The following SCN7A variants were observed in gnomAD, a reference collection of about 807,000 sequenced individuals.
SCN7A encodes sodium channel protein type 7 subunit alpha.
A neutral mutation model predicts 155.2 loss-of-function variants in SCN7A; 138 were observed. The ratio of observed to expected loss-of-function variants is 0.89; its 90% CI spans 0.77 to 1.02. The LOEUF is 1.02. Among genes scored for constraint, SCN7A ranks in the 50% least tolerant of loss-of-function variants. The pLI, the probability that SCN7A is intolerant of heterozygous loss-of-function variation, is 0.00. For missense variants in SCN7A, 2,058 were observed against 1,986.6 expected (o/e 1.04, Z -0.68); for synonymous variants, 693 against 649.0 (o/e 1.07, Z -1.03).
At chr2:166,460,712 A>C (rs1702384785) in intron 10 of SCN7A, among the ~76,000 whole-genome samples, 1 of 152,178 alleles carries the variant, frequency 6.6e-6, no homozygotes, top group Non-Finnish European at 1.5e-5. Flanking sequence ...TGGAAATATG[A>C]TATTATGAGA....
At chr2:166,423,185 A>G (rs540108648) in intron 19 of SCN7A, 74 bp downstream of exon 19, 8 of 1,414,554 alleles carry the variant, frequency 5.7e-6, no homozygotes, top group Non-Finnish European at 7.8e-6. Context: ...TAACAAACTG[A>G]CAGGAAGTGA....
chr2:166,489,340 G>A (rs929229943), intron 1 of SCN7A, among the ~76,000 whole-genome samples: 4 of 152,174 alleles, frequency 2.6e-5, no homozygotes, highest in African/African-American at 9.7e-5. Flanking sequence ...TGAGTGAAGT[G>A]TTACATCTAT....
chr2:166,414,117 AT>A lies in SCN7A; in HGVS notation c.3415-997del, dbSNP rs1297517117. On this transcript the variant is annotated intron_variant, in intron 21 of 25. Transcript: ENST00000643258. Reference sequence around the variant, plus strand: ...TATATAATATATTATATATAAATATATATAATATATTATATATATGTAAATA... The same window carrying A: ...TATATAATATATTATATATAAATATAATAATATATTATATATATGTAAATA... 2.6e-4 allele frequency among the ~76,000 whole-genome samples: 23 copies of A among 88,562 alleles called. 1 individual carries two copies. The East Asian group carries it at 3.9e-3, about 15-fold the overall frequency. 58.1% of individuals were successfully genotyped at this position (88,562 alleles called of 152,430 possible).
Position 166,405,075 on chromosome 2 carries a change from A to G in SCN7A, c.*505T>C, listed in dbSNP as rs1701037011. Reference sequence around the variant, plus strand: ...CAAGAATCTCTGAGGTTGATCTCAAAGGCACTTTCTAAAGAACTGCTCTCT... The same window carrying G: ...CAAGAATCTCTGAGGTTGATCTCAAGGGCACTTTCTAAAGAACTGCTCTCT... On this transcript the variant is annotated 3_prime_UTR_variant, in exon 26 of 26. Coordinates refer to ENST00000643258, the MANE Select transcript of SCN7A (RefSeq NM_002976.4). The G allele has an allele frequency of 6.6e-6, 1 of 152,170 alleles. No homozygotes were observed. Among genetic ancestry groups the G allele is most frequent in the African/African-American group, 2.4e-5 (1 of 41,424 alleles). The allele number at this position is 152,170 out of a possible 1,614,324, so 9.4% of individuals were successfully genotyped here. A position where few individuals can be genotyped will look rare whatever the true frequency, so the allele number is the denominator to read the frequency against.
At chr2:166,480,463 A>C (rs552120035) in intron 2 of SCN7A, among the ~76,000 whole-genome samples, 107 of 147,812 alleles carry the variant, frequency 7.2e-4, no homozygotes, top group Non-Finnish European at 1.2e-3. Context: ...GTCTCAAAAA[A>C]AAAAAACAAA....
rs958078962 is a variant in SCN7A, at chr2:166,421,265, C to A, written c.3060G>T (p.Arg1020=). 6.5e-7 allele frequency: 1 copy of A among 1,532,148 alleles called. No individual in the cohort carries two copies. Among genetic ancestry groups the A allele is most frequent in the Admixed American group, 2.1e-5 (1 of 48,590 alleles). The allele number at this position is 1,532,148 out of a possible 1,614,324, so 94.9% of individuals were successfully genotyped here. A position where few individuals can be genotyped will look rare whatever the true frequency, so the allele number is the denominator to read the frequency against. The change falls in exon 20 of 26, where the codon CGG becomes CGT. Residue 1020 remains arginine (R), a synonymous_variant. Coordinates refer to ENST00000643258, the MANE Select transcript of SCN7A (RefSeq NM_002976.4). The part of the protein sequence containing the change: ...VFCLSLIGKT[R]EELKPLISMK... ...TGGAAATAAGAGGTTTTAGTTCTTC[C>A]CGAGTTTTGCCTATTAAGCTAAGAC...
chr2:166,414,237 T>C, intron 21 of SCN7A, among the ~76,000 whole-genome samples: 2 of 87,496 alleles, frequency 2.3e-5, no homozygotes. Flanking sequence ...TATATATCTA[T>C]ATATGTAAAT....
chr2:166,465,562 A>C (rs2105484906), intron 8 of SCN7A, 31 bp from the exon 9 acceptor site: 1 of 1,499,358 alleles, frequency 6.7e-7, no homozygotes, highest in South Asian at 1.2e-5. Flanking sequence ...GATATTCTAT[A>C]TGTAATTATG....
At chr2:166,443,758 C>T in intron 13 of SCN7A, 82 bp from the exon 14 acceptor site, 1 of 979,590 alleles carries the variant, frequency 1.0e-6, no homozygotes, top group East Asian at 2.7e-5. Flanking sequence ...CTGTGACACA[C>T]ACTGTTTACT....
rs1236856736 is a variant in SCN7A, at chr2:166,406,258, G to T, written c.4371C>A (p.Asn1457Lys). The T allele has an allele frequency of 6.2e-7, 1 of 1,613,076 alleles. No homozygotes were observed. Among genetic ancestry groups the T allele is most frequent in the African/African-American group, 1.3e-5 (1 of 74,884 alleles). ...AATCTCCTCTAACTTGAGTCCCAGGGTTAATTTTATCAGGATCACAGTCAG... is the reference window on the plus strand; with the variant it reads ...AATCTCCTCTAACTTGAGTCCCAGGTTTAATTTTATCAGGATCACAGTCAG... The part of the protein sequence containing the change: ...KWSDCDPDKI[N>K]PGTQVRGDCG... Residue 1457 changes from asparagine (N) to lysine (K), a missense_variant, in exon 26 of 26, where the codon AAC becomes AAA. Asn to Lys is a moderately conservative substitution (Grantham distance 94). Coordinates refer to ENST00000643258, the MANE Select transcript of SCN7A (RefSeq NM_002976.4).
At chr2:166,484,378 TA>T (rs1702999244) in intron 2 of SCN7A, among the ~76,000 whole-genome samples, 1 of 151,838 alleles carries the variant, frequency 6.6e-6, no homozygotes, top group Non-Finnish European at 1.5e-5. Flanking sequence ...CAAATATAAA[TA>T]GATATATTTA....
At chr2:166,468,417 T>C (rs567735794) in intron 7 of SCN7A, among the ~76,000 whole-genome samples, 6 of 152,190 alleles carry the variant, frequency 3.9e-5, no homozygotes, top group Admixed American at 2.6e-4. Context: ...TCAAGTTAAA[T>C]TGGATTTCAA....
rs114575448 is a variant in SCN7A, at chr2:166,432,706, T to C, written c.2204A>G (p.Lys735Arg). Residue 735 changes from lysine to arginine, a missense_variant, in exon 16 of 26, where the codon AAG (lysine) becomes AGG (arginine). Lys to Arg is a conservative substitution (Grantham distance 26, BLOSUM62 2). Coordinates refer to ENST00000643258, the MANE Select transcript of SCN7A (RefSeq NM_002976.4). Reference protein sequence around the residue: ...LALVSSFSSCKDVTAEENNEA... With the variant: ...LALVSSFSSCRDVTAEENNEA... ...ATTATTCTCTTCAGCTGTTACATCC[T>C]TGCATGAACTAAATGAGCTCACCAA... 1,940 of 1,581,510 alleles carry C rather than the reference T, an allele frequency of 1.2e-3. 20 individuals carry two copies. The African/African-American group carries it at 0.024, about 20-fold the overall frequency.
chr2:166,425,556 T>G (rs1260541560), intron 18 of SCN7A, among the ~76,000 whole-genome samples: 2 of 152,106 alleles, frequency 1.3e-5, no homozygotes, highest in Non-Finnish European at 2.9e-5. Flanking sequence ...GGCTAGTTCC[T>G]TTTGGTGGCT....
rs370293264 is a variant in SCN7A, at chr2:166,473,879, T to C, written c.363A>G (p.Gln121=). 3.8e-6 allele frequency: 6 copies of C among 1,560,866 alleles called. No individual in the cohort carries two copies. In the African/African-American group the frequency reaches 6.8e-5, roughly 18 times the overall value. ...TIKVLVHPFF[Q]LFILISVLID... is the part of the protein sequence containing the mutation. ...TCAGGACACTAATTAGAATAAACAG[T>C]TGGAAAAAGGTAGCTTATAGTCAAG... Residue 121 remains glutamine (Q), a synonymous_variant, in exon 5 of 26, where the codon CAA becomes CAG. Coordinates refer to ENST00000643258, the MANE Select transcript of SCN7A (RefSeq NM_002976.4).
chr2:166,408,509 C>T (rs889435075), intron 25 of SCN7A, among the ~76,000 whole-genome samples: 2 of 151,978 alleles, frequency 1.3e-5, no homozygotes, highest in African/African-American at 4.8e-5. Context: ...ATTGCTTTTC[C>T]TTCCAGTTCT....
intron 7 of SCN7A, among the ~76,000 whole-genome samples, chr2:166,467,960 CTG>C (rs1445650016): frequency 6.6e-6 from 1 of 151,576 alleles, no homozygotes; most frequent in Non-Finnish European, 1.5e-5. Flanking sequence ...AATAAATTTA[CTG>C]TGTCTATTTT....
chr2:166,405,577 G>A lies in SCN7A; in HGVS notation c.*3C>T, dbSNP rs1384319012. The A allele has an allele frequency of 6.4e-7, 1 of 1,554,200 alleles. No homozygotes were observed. The highest frequency in any genetic ancestry group is 1.4e-5 in the African/African-American group (1 of 72,510). On this transcript the variant is annotated 3_prime_UTR_variant, in exon 26 of 26. Coordinates refer to ENST00000643258, the MANE Select transcript of SCN7A (RefSeq NM_002976.4). ...GAAATATGAAAAGAGGTGGTAAGTG[G>A]TATTAGATCTGGCTTTGAATAGGTG...
At chr2:166,461,478 A>G (rs1475538894) in intron 10 of SCN7A, among the ~76,000 whole-genome samples, 3 of 152,208 alleles carry the variant, frequency 2.0e-5, no homozygotes, top group South Asian at 2.1e-4. Flanking sequence ...TTGAATTTCA[A>G]TTCTCATTAC....
Sources: gnomAD v4.1 joint callset for allele counts (sites outside exome capture counted in the v4.1 genomes callset) on GRCh38, gnomAD v4.1.1 for gene constraint, MANE v1.5 for transcripts, NCBI Gene and HGNC (gene_info 2026-07-23, HGNC 2026-07-21) for gene names.